Variants in SLC4A4 observed in about 807,000 individuals in gnomAD.
SLC4A4 encodes the protein solute carrier family 4 member 4.
A neutral mutation model predicts 111.5 loss-of-function variants in SLC4A4; 27 were observed. That is an observed-to-expected ratio of 0.24 (90% CI 0.18 to 0.33). The LOEUF (loss-of-function observed/expected upper bound fraction) is 0.33, where lower values mean the gene tolerates loss of function less well. SLC4A4 is among the 10% of genes least tolerant of loss of function. SLC4A4 has a pLI of 1.00. For missense variants in SLC4A4, 909 were observed against 1,315.5 expected (o/e 0.69, Z 4.78); for synonymous variants, 443 against 463.4 (o/e 0.96, Z 0.57).
chr4:71,404,644 A>G (rs922707123), intron 7 of SLC4A4, among the ~76,000 whole-genome samples: 1 of 152,204 alleles, frequency 6.6e-6, no homozygotes, highest in Non-Finnish European at 1.5e-5. Context: ...AGTTACTTAC[A>G]TCTGACAGAG....
intron 2 of SLC4A4, among the ~76,000 whole-genome samples, chr4:71,102,653 TC>T (rs1363714136): frequency 6.6e-6 from 1 of 150,384 alleles, no homozygotes; most frequent in African/African-American, 2.4e-5. Flanking sequence ...ACCCAGAATT[TC>T]ATATCCAGCC....
At chr4:71,158,982 C>T (rs2148976496) in intron 2 of SLC4A4, among the ~76,000 whole-genome samples, 1 of 152,234 alleles carries the variant, frequency 6.6e-6, no homozygotes, top group South Asian at 2.1e-4. Flanking sequence ...TTTCGCAGTA[C>T]TTCATATCTG....
At chr4:71,217,317 C>G (rs1718491358) in intron 1 of SLC4A4, among the ~76,000 whole-genome samples, 1 of 152,128 alleles carries the variant, frequency 6.6e-6, no homozygotes, top group Admixed American at 6.5e-5. Flanking sequence ...CCTGTAATCC[C>G]AGCACTTTGG....
intron 7 of SLC4A4, among the ~76,000 whole-genome samples, chr4:71,432,179 G>A (rs767601003): frequency 1.2e-4 from 19 of 152,132 alleles, no homozygotes; most frequent in Non-Finnish European, 2.4e-4. Context: ...AAGAAGTGTA[G>A]GAGTGTAAGT....
intron 2 of SLC4A4, among the ~76,000 whole-genome samples, chr4:71,241,426 C>T (rs183427277): frequency 5.3e-5 from 8 of 152,072 alleles, no homozygotes; most frequent in African/African-American, 1.7e-4. Context: ...GACATGAAAT[C>T]ATGACTTAAA....
intron 4 of SLC4A4, among the ~76,000 whole-genome samples, chr4:71,346,265 T>C (rs2148897832): frequency 6.6e-6 from 1 of 152,202 alleles, no homozygotes; most frequent in Non-Finnish European, 1.5e-5. Flanking sequence ...AAACTTCACC[T>C]AATAAACCCC....
At chr4:71,183,952 A>G (rs1745377630), upstream of SLC4A4, among the ~76,000 whole-genome samples, 1 of 152,086 alleles carries the variant, frequency 6.6e-6, no homozygotes, top group South Asian at 2.1e-4. Context: ...ATTTTGTATA[A>G]CTCCAGGAGA....
intron 2 of SLC4A4, among the ~76,000 whole-genome samples, chr4:71,134,490 T>C (rs1371219730): frequency 6.6e-6 from 1 of 152,246 alleles, no homozygotes; most frequent in Non-Finnish European, 1.5e-5. Flanking sequence ...ATGTACATTG[T>C]TTCTGTATCC....
chr4:71,101,013 A>T (rs993300021), intron 2 of SLC4A4, among the ~76,000 whole-genome samples: 22 of 152,170 alleles, frequency 1.4e-4, no homozygotes, highest in South Asian at 2.1e-4. Flanking sequence ...TAATCCCAGC[A>T]CTTTGGGAGG....
intron 3 of SLC4A4, among the ~76,000 whole-genome samples, chr4:71,269,061 G>A (rs1157904671): frequency 2.0e-5 from 3 of 152,188 alleles, no homozygotes; most frequent in Non-Finnish European, 4.4e-5. Flanking sequence ...TTGGGAGTCA[G>A]AATTAGAACA....
intron 1 of SLC4A4, among the ~76,000 whole-genome samples, chr4:71,089,440 G>A (rs1210233933): frequency 6.6e-6 from 1 of 152,086 alleles, no homozygotes; most frequent in East Asian, 1.9e-4. Context: ...TTGCTGGTGA[G>A]GAGCTGTGTT....
rs183847332 is a variant in SLC4A4 at position 71,466,776 on chromosome 4, T to C, written c.1631+199T>C. Among the ~76,000 whole-genome samples, 255 of 152,084 alleles carry C rather than the reference T, an allele frequency of 1.7e-3. 2 individuals are homozygous for C. Among genetic ancestry groups the C allele is most frequent in the Non-Finnish European group, 2.7e-3 (183 of 67,966 alleles). On this transcript the variant is annotated intron_variant, in intron 13 of 25. Coordinates refer to ENST00000264485, the MANE Select transcript of SLC4A4 (RefSeq NM_001098484.3). Reference sequence around the variant, plus strand: ...AGATGTGATTCGACTGAGGCTCTTATGTTGTGTGTATCCTTGCTCCCTTCC... The same window carrying C: ...AGATGTGATTCGACTGAGGCTCTTACGTTGTGTGTATCCTTGCTCCCTTCC...
At position 71,419,150 on chromosome 4, in the gene SLC4A4, A is replaced by G. The variant is rs533133404; in HGVS notation, c.808-21466A>G. On this transcript the variant is annotated intron_variant, in intron 7 of 25. Coordinates refer to ENST00000264485, the MANE Select transcript of SLC4A4 (RefSeq NM_001098484.3). ...GCTGCTCAGGGGTCAGGGGTCAGGG[A>G]CACACTTGAGGAGGCAGTCTGCCCG... Among the ~76,000 whole-genome samples, 11 of 152,306 alleles carry G rather than the reference A, an allele frequency of 7.2e-5. No individual in the cohort carries two copies. In the South Asian group the frequency reaches 1.7e-3, roughly 23 times the overall value.
intron 2 of SLC4A4, among the ~76,000 whole-genome samples, chr4:71,166,539 A>C (rs1560754444): frequency 6.6e-6 from 1 of 152,196 alleles, no homozygotes; most frequent in East Asian, 1.9e-4. Context: ...TTTATCCATA[A>C]GCAGTCTATT....
intron 2 of SLC4A4, among the ~76,000 whole-genome samples, chr4:71,115,079 C>T (rs552315484): frequency 2.5e-3 from 373 of 147,532 alleles, no homozygotes; most frequent in African/African-American, 8.5e-3. Flanking sequence ...AGTAAACTAT[C>T]GCAAGAACAA....
intron 1 of SLC4A4, among the ~76,000 whole-genome samples, chr4:71,214,626 C>A (rs977118072): frequency 1.3e-5 from 2 of 152,208 alleles, no homozygotes; most frequent in East Asian, 3.9e-4. Context: ...TAAATTGATT[C>A]AATAAGGCAC....
rs1724628916 is a variant in SLC4A4, at chr4:71,440,607, C to G, written c.808-9C>G. Reference sequence around the variant, plus strand: ...ACTAAATTGTGTTTCCTTGGTTCTTCTCATGCAGCTGAAGAATAAGTTCAT... The same window carrying G: ...ACTAAATTGTGTTTCCTTGGTTCTTGTCATGCAGCTGAAGAATAAGTTCAT... On this transcript the variant is annotated splice_polypyrimidine_tract_variant and intron_variant, in intron 7 of 25. Coordinates refer to ENST00000264485, the MANE Select transcript of SLC4A4 (RefSeq NM_001098484.3). The G allele has an allele frequency of 1.9e-6, 3 of 1,613,962 alleles. No individual in the cohort carries two copies. Among genetic ancestry groups the G allele is most frequent in the Non-Finnish European group, 2.5e-6 (3 of 1,179,958 alleles).
intron 1 of SLC4A4, among the ~76,000 whole-genome samples, chr4:71,227,111 A>G (rs1719098282): frequency 6.6e-6 from 1 of 152,162 alleles, no homozygotes; most frequent in Non-Finnish European, 1.5e-5. Context: ...AGAACAGAGG[A>G]AGGAGCATAG....
chr4:71,515,018 CT>C (rs1301656082), intron 16 of SLC4A4, among the ~76,000 whole-genome samples: 3 of 151,134 alleles, frequency 2.0e-5, no homozygotes, highest in Non-Finnish European at 4.4e-5. Flanking sequence ...TCTTTTTTTC[CT>C]GATAGTTGTG....
Sources: gnomAD v4.1 joint callset for allele counts (sites outside exome capture counted in the v4.1 genomes callset) on GRCh38, gnomAD v4.1.1 for gene constraint, MANE v1.5 for transcripts, NCBI Gene and HGNC (gene_info 2026-07-23, HGNC 2026-07-21) for gene names.